Variants in ANGPTL5 observed in about 807,000 individuals in gnomAD.
The protein encoded by ANGPTL5 is angiopoietin like 5, also known as angiopoietin-related protein 5.
In ANGPTL5, 34 loss-of-function variants were observed where a neutral mutation model predicts 39.4. The ratio of observed to expected loss-of-function variants is 0.86; its 90% CI spans 0.66 to 1.15. ANGPTL5 has a LOEUF of 1.15. Ranked by LOEUF, ANGPTL5 falls within the 50% of genes most tolerant of loss-of-function variation. The pLI, the probability that ANGPTL5 is intolerant of heterozygous loss-of-function variation, is 0.00. For missense variants in ANGPTL5, 467 were observed against 457.5 expected (o/e 1.02, Z -0.19); for synonymous variants, 146 against 152.1 (o/e 0.96, Z 0.29).
intron 1 of ANGPTL5, among the ~76,000 whole-genome samples, chr11:101,914,436 G>T (rs542319761): frequency 1.4e-4 from 22 of 152,282 alleles, no homozygotes; most frequent in African/African-American, 4.8e-4. Context: ...TGCTGTGATG[G>T]TCCATTTCCA....
intron 1 of ANGPTL5, among the ~76,000 whole-genome samples, chr11:101,910,921 A>T (rs1044590567): frequency 3.3e-5 from 5 of 151,876 alleles, no homozygotes; most frequent in African/African-American, 1.2e-4. Context: ...AAATTGTGTT[A>T]CTCTTCTAAT....
intron 8 of ANGPTL5, among the ~76,000 whole-genome samples, chr11:101,892,391 C>T (rs1448676358): frequency 6.6e-6 from 1 of 152,000 alleles, no homozygotes; most frequent in African/African-American, 2.4e-5. Context: ...CCACCACACC[C>T]AGCTAATTTT....
rs34425298 is a variant in ANGPTL5, at chr11:101,901,015, C to CTTT, written c.541-468_541-466dup. ...TACAGGCGCCCGCTAGCACCCCCGG[C>CTTT]TTTTTTTTTTTTTTTTTTTTTCTTT... On this transcript the variant is annotated intron_variant, in intron 6 of 8. Transcript: ENST00000334289. 3.1e-3 allele frequency among the ~76,000 whole-genome samples: 302 copies of CTTT among 98,604 alleles called. 1 individual carries two copies. The highest frequency in any genetic ancestry group is 0.012 in the African/African-American group (275 of 23,800). The allele number at this position is 98,604 out of a possible 152,430, so 64.7% of individuals were successfully genotyped here.
intron 2 of ANGPTL5, among the ~76,000 whole-genome samples, chr11:101,907,552 T>C (rs960257398): frequency 2.2e-4 from 34 of 152,122 alleles, no homozygotes; most frequent in African/African-American, 7.7e-4. Context: ...AGATATTTCA[T>C]TGAAAAGTTG....
rs147053127 is a variant in ANGPTL5 at position 101,903,918 on chromosome 11, G to A, written c.439+896C>T. On this transcript the variant is annotated intron_variant, in intron 5 of 8. Transcript: ENST00000334289. ...TTTCCTTGTGATAAACATTTGATTC[G>A]GGCAATATTTTAAGAGACTTTCCTG... Among the ~76,000 whole-genome samples, 119 of 151,862 alleles carry A rather than the reference G, an allele frequency of 7.8e-4. 1 individual carries two copies. The highest frequency in any genetic ancestry group is 3.4e-3 in the Middle Eastern group (1 of 294).
intron 7 of ANGPTL5, among the ~76,000 whole-genome samples, chr11:101,899,492 C>T (rs946369466): frequency 6.6e-6 from 1 of 152,222 alleles, no homozygotes; most frequent in Non-Finnish European, 1.5e-5. Flanking sequence ...AACTCATATT[C>T]TTTCCCCATA....
intron 7 of ANGPTL5, among the ~76,000 whole-genome samples, chr11:101,896,319 G>A (rs1189370811): frequency 2.0e-5 from 3 of 151,362 alleles, no homozygotes; most frequent in Non-Finnish European, 4.4e-5. Flanking sequence ...CAAGTAGCTG[G>A]GATTACAGAG....
Position 101,915,586 on chromosome 11 carries a change from A to AT in ANGPTL5, c.-93+432dup, listed in dbSNP as rs374496714. The stretch of plus-strand genomic sequence containing the variant: ...CTCACCTTAGACCTGAAATTATACC[A>AT]TTTTATCTAATTCTGTGGCTGCTTC... On this transcript the variant is annotated intron_variant, in intron 1 of 8. Coordinates refer to ENST00000334289, the MANE Select transcript of ANGPTL5 (RefSeq NM_178127.5). 4.4e-3 allele frequency among the ~76,000 whole-genome samples: 668 copies of AT among 152,238 alleles called. 5 individuals are homozygous for AT. Among genetic ancestry groups the AT allele is most frequent in the African/African-American group, 0.015 (643 of 41,548 alleles).
At chr11:101,905,234 A>C (rs868136403) in intron 4 of ANGPTL5, among the ~76,000 whole-genome samples, 3 of 152,126 alleles carry the variant, frequency 2.0e-5, no homozygotes, top group Non-Finnish European at 4.4e-5. Flanking sequence ...CAAGTTAATC[A>C]GATTGTGGCA....
At chr11:101,900,659 C>G (rs975800624) in intron 6 of ANGPTL5, 109 bp from the exon 7 acceptor site, 1 of 1,134,702 alleles carries the variant, frequency 8.8e-7, no homozygotes, top group Non-Finnish European at 1.3e-6. Flanking sequence ...GGTACTGCCA[C>G]TGAGTTTTCA....
At chr11:101,896,040 G>T (rs7109121) in intron 7 of ANGPTL5, among the ~76,000 whole-genome samples, 13,346 of 152,018 alleles carry the variant, frequency 0.088, 907 homozygotes, top group East Asian at 0.31. Flanking sequence ...AATGGCTCCA[G>T]AGGGGTCCAC....
At position 101,891,340 on chromosome 11, in the gene ANGPTL5, G is replaced by C; in HGVS notation, c.1106C>G (p.Pro369Arg). 1 of 1,614,022 alleles carries C rather than the reference G, an allele frequency of 6.2e-7. No homozygotes were observed. Among genetic ancestry groups the C allele is most frequent in the South Asian group, 1.1e-5 (1 of 91,080 alleles). ...CATTGAAACAGATTTAATCTTGACA[G>C]GTGAGTTGTTTTTGGTCCACGTGCC... is the stretch of plus-strand genomic sequence containing the variant. ...QWGTWTKNNS[P>R]VKIKSVSMKI... Residue 369 changes from proline to arginine, a missense_variant, in exon 9 of 9, where the codon CCT (proline) becomes CGT (arginine). Transcript: ENST00000334289.
chr11:101,901,953 G>A (rs1281985508), intron 6 of ANGPTL5, among the ~76,000 whole-genome samples: 1 of 151,620 alleles, frequency 6.6e-6, no homozygotes, highest in Admixed American at 6.6e-5. Flanking sequence ...GTATGTGTGT[G>A]TGCGTGTGTA....
chr11:101,911,744 T>C (rs754495099), intron 1 of ANGPTL5, among the ~76,000 whole-genome samples: 3 of 152,178 alleles, frequency 2.0e-5, no homozygotes, highest in Admixed American at 6.5e-5. Flanking sequence ...CTCTTTTCTT[T>C]ATAAATTACC....
intron 5 of ANGPTL5, among the ~76,000 whole-genome samples, 182 bp from the exon 6 acceptor site, chr11:101,902,903 T>G (rs1472999294): frequency 6.6e-6 from 1 of 152,116 alleles, no homozygotes; most frequent in Non-Finnish European, 1.5e-5. Context: ...ATTAAAGAAT[T>G]TATGCTGCAA....
intron 3 of ANGPTL5, among the ~76,000 whole-genome samples, 160 bp downstream of exon 3, chr11:101,906,943 A>G (rs936692320): frequency 1.3e-5 from 2 of 152,120 alleles, no homozygotes; most frequent in Non-Finnish European, 2.9e-5. Context: ...CCAAATATTT[A>G]TTAAGCACCT....
intron 7 of ANGPTL5, among the ~76,000 whole-genome samples, chr11:101,895,636 T>G (rs1224905763): frequency 1.3e-5 from 2 of 152,180 alleles, no homozygotes; most frequent in East Asian, 3.8e-4. Flanking sequence ...CTGAACATAA[T>G]GTAATAACAT....
At chr11:101,892,176 A>G (rs554027022) in intron 8 of ANGPTL5, among the ~76,000 whole-genome samples, 1 of 152,288 alleles carries the variant, frequency 6.6e-6, no homozygotes, top group Non-Finnish European at 1.5e-5. Context: ...CCAATTGGAT[A>G]GTAGTTAAGA....
intron 1 of ANGPTL5, among the ~76,000 whole-genome samples, chr11:101,909,362 C>T (rs1269943583): frequency 6.6e-6 from 1 of 152,162 alleles, no homozygotes; most frequent in East Asian, 1.9e-4. Flanking sequence ...CACTCCCTTA[C>T]CCTGGAATCT....
Sources: allele counts gnomAD v4.1 joint callset (sites outside exome capture counted in the v4.1 genomes callset), GRCh38; gene constraint gnomAD v4.1.1; transcripts MANE v1.5; gene names NCBI Gene and HGNC (gene_info 2026-07-23, HGNC 2026-07-21).